SORL1-AS1: variants seen among roughly 807,000 people sequenced by gnomAD.
SORL1-AS1 encodes lncRNA 51 A.
At chr11:121,445,018 T>C (rs1279628926), downstream of SORL1-AS1, among the ~76,000 whole-genome samples, 3 of 152,186 alleles carry the variant, frequency 2.0e-5, no homozygotes, top group Non-Finnish European at 2.9e-5. Flanking sequence ...GTTGGTATGA[T>C]CCAAACTCTA....
In SORL1-AS1 at chr11:121,452,657, C is replaced by T; in HGVS notation, n.339+18G>A. The T allele has an allele frequency of 7.1e-7, 1 of 1,402,338 alleles. No homozygotes were observed. The highest frequency in any genetic ancestry group is 9.3e-7 in the Non-Finnish European group (1 of 1,078,344). The allele number at this position is 1,402,338 out of a possible 1,614,324, so 86.9% of individuals were successfully genotyped here. On this transcript the variant is annotated intron_variant and non_coding_transcript_variant, in intron 1 of 1. Transcript: ENST00000501964. This position sits in a 1 kb window ranked among gnomAD's most constrained non-coding sequence, Gnocchi z 5.3. ...ACCCGCCTCCCTCCAGTTTTTTCCTCTCCCTGCACTTCCTCACCCCCGCAT... is the reference window on the plus strand; with the variant it reads ...ACCCGCCTCCCTCCAGTTTTTTCCTTTCCCTGCACTTCCTCACCCCCGCAT...
downstream of SORL1-AS1, among the ~76,000 whole-genome samples, chr11:121,442,682 TTTATTTA>T (rs1236220951): frequency 2.6e-3 from 346 of 133,766 alleles, 2 homozygotes; most frequent in Non-Finnish European, 4.3e-3. Context: ...TATTTATTTA[TTTATTTA>T]TTTTTTTGAG....
At chr11:121,451,802 G>C (rs1268225575) in intron 1 of SORL1-AS1, among the ~76,000 whole-genome samples, 1 of 152,148 alleles carries the variant, frequency 6.6e-6, no homozygotes, top group African/African-American at 2.4e-5. Flanking sequence ...TGTGGCTCTG[G>C]ACTCTTCCCT....
the SORL1-AS1 span, among the ~76,000 whole-genome samples, chr11:121,441,553 A>ATAAGGCCT: frequency 6.6e-6 from 1 of 151,384 alleles, no homozygotes; most frequent in Non-Finnish European, 1.5e-5. Context: ...AAAAAAAAGA[A>ATAAGGCCT]TAAGGCCTCT....
At chr11:121,441,530 C>CA in the SORL1-AS1 span, among the ~76,000 whole-genome samples, 1,279 of 52,034 alleles carry the variant, frequency 0.025, 77 homozygotes, top group African/African-American at 0.07. Context: ...GACTCTGTCT[C>CA]AAAAAAAAAA....
exon 2 of SORL1-AS1, chr11:121,448,310 C>T (rs1470331997): frequency 6.6e-6 from 1 of 152,150 alleles, no homozygotes; most frequent in Non-Finnish European, 1.5e-5. Flanking sequence ...GTATTTTAAA[C>T]CTCATCAATT....
chr11:121,452,444 G>T lies in SORL1-AS1; in HGVS notation n.339+231C>A. 6.7e-7 allele frequency: 1 copy of T among 1,498,818 alleles called. No individual in the cohort carries two copies. The highest frequency in any genetic ancestry group is 8.9e-7 in the Non-Finnish European group (1 of 1,127,800). 92.8% of individuals were successfully genotyped at this position (1,498,818 alleles called of 1,614,324 possible). A position where few individuals can be genotyped will look rare whatever the true frequency, so the allele number is the denominator to read the frequency against. ...GTCTGGACGCAGAGGCTGCACGGCG[G>T]CAGCGCGCCCTTGCCCCAGGACCGG... On this transcript the variant is annotated intron_variant and non_coding_transcript_variant, in intron 1 of 1. Coordinates refer to ENST00000501964, the Ensembl canonical transcript of SORL1-AS1. This position sits in a 1 kb window ranked among gnomAD's most constrained non-coding sequence, Gnocchi z 5.3.
At chr11:121,451,318 CAG>C (rs1860788554) in intron 1 of SORL1-AS1, among the ~76,000 whole-genome samples, 2 of 152,230 alleles carry the variant, frequency 1.3e-5, no homozygotes, top group South Asian at 2.1e-4. Context: ...TCCTGTGGTT[CAG>C]AGAGTTTGGC....
exon 2 of SORL1-AS1, chr11:121,447,981 AG>A (rs1860744323): frequency 6.6e-6 from 1 of 152,190 alleles, no homozygotes; most frequent in Non-Finnish European, 1.5e-5. Flanking sequence ...TGGCAGAAAA[AG>A]GGAGCCTGGG....
At chr11:121,447,253 T>C (rs967066528), downstream of SORL1-AS1, 1 of 151,838 alleles carries the variant, frequency 6.6e-6, no homozygotes, top group African/African-American at 2.4e-5. Flanking sequence ...TTCAGGAAGT[T>C]GAGTTACGCA....
At chr11:121,442,903 C>A (rs1262988771), downstream of SORL1-AS1, among the ~76,000 whole-genome samples, 1 of 150,788 alleles carries the variant, frequency 6.6e-6, no homozygotes, top group African/African-American at 2.4e-5. Flanking sequence ...TGGTCTTGAT[C>A]TCCTGACCTC....
the SORL1-AS1 span, among the ~76,000 whole-genome samples, chr11:121,441,198 G>C: frequency 6.6e-6 from 1 of 152,098 alleles, no homozygotes; most frequent in East Asian, 1.9e-4. Flanking sequence ...AAGAACCCTT[G>C]ATTTGTAAGT....
rs1034956693 is a variant in SORL1-AS1, at chr11:121,452,732, G to A, written n.282C>T. On this transcript the variant is annotated non_coding_transcript_exon_variant, in exon 1 of 2. Transcript: ENST00000501964. This position sits in a 1 kb window ranked among gnomAD's most constrained non-coding sequence, Gnocchi z 5.3. ...GTGCAGGCACCACTGGGGACTTCCC[G>A]GCTTGCATTTGTTTTTTTCCTTCAC... 37 of 926,676 alleles carry A rather than the reference G, an allele frequency of 4.0e-5. No homozygotes were observed. The African/African-American group carries it at 5.4e-4, about 14-fold the overall frequency. The allele number at this position is 926,676 out of a possible 1,614,324, so 57.4% of individuals were successfully genotyped here.
downstream of SORL1-AS1, among the ~76,000 whole-genome samples, chr11:121,444,074 G>A (rs534147933): frequency 4.0e-5 from 6 of 148,522 alleles, no homozygotes; most frequent in East Asian, 1.2e-3. Context: ...GCTAAGAAAT[G>A]TGTGTGTGTG....
intron 1 of SORL1-AS1, among the ~76,000 whole-genome samples, chr11:121,451,552 C>T (rs1860793330): frequency 6.6e-6 from 1 of 152,226 alleles, no homozygotes; most frequent in African/African-American, 2.4e-5. Context: ...CCCTGTATAG[C>T]TGTGTAATAA....
At chr11:121,451,626 GTT>G (rs1445533238) in intron 1 of SORL1-AS1, among the ~76,000 whole-genome samples, 1 of 152,236 alleles carries the variant, frequency 6.6e-6, no homozygotes, top group Non-Finnish European at 1.5e-5. Context: ...TGTGCAGGAT[GTT>G]TATTTGCTGT....
chr11:121,442,708 T>C (rs571788801), downstream of SORL1-AS1, among the ~76,000 whole-genome samples: 1 of 149,498 alleles, frequency 6.7e-6, no homozygotes, highest in African/African-American at 2.5e-5. Flanking sequence ...AGATGGAGTC[T>C]TGCTCTGTCG....
downstream of SORL1-AS1, among the ~76,000 whole-genome samples, chr11:121,443,987 T>C (rs1860693962): frequency 6.6e-6 from 1 of 152,046 alleles, no homozygotes; most frequent in Non-Finnish European, 1.5e-5. Flanking sequence ...CTGTTTGGGG[T>C]CTAGGTTCTC....
chr11:121,441,530 C>CAAAAAAA, the SORL1-AS1 span, among the ~76,000 whole-genome samples: 2,424 of 52,194 alleles, frequency 0.046, 107 homozygotes, highest in Non-Finnish European at 0.066. Flanking sequence ...GACTCTGTCT[C>CAAAAAAA]AAAAAAAAAA....
Sources: allele counts gnomAD v4.1 joint callset (sites outside exome capture counted in the v4.1 genomes callset), GRCh38; gene constraint gnomAD v4.1.1; non-coding constraint Gnocchi (gnomAD v3.1); transcripts MANE v1.5; gene names NCBI Gene and HGNC (gene_info 2026-07-23, HGNC 2026-07-21).